The following TNRC6A variants were observed in gnomAD, a reference collection of about 807,000 sequenced individuals.
The protein encoded by TNRC6A is trinucleotide repeat containing adaptor 6A.
Under a neutral mutation model 221.2 loss-of-function variants are expected in TNRC6A, and 44 were observed. That is an observed-to-expected ratio of 0.20 (90% CI 0.16 to 0.26). TNRC6A has a LOEUF of 0.26. Ranked by LOEUF, TNRC6A falls within the 10% of genes least tolerant of loss-of-function variation. The pLI is 1.00. For missense variants in TNRC6A, 2,199 were observed against 2,404.4 expected (o/e 0.91, Z 1.79); for synonymous variants, 847 against 838.5 (o/e 1.01, Z -0.18).
At position 24,729,682 on chromosome 16, in the gene TNRC6A, T is replaced by C. The variant is rs1170834781; in HGVS notation, c.-160T>C. ...GGTCTGGGGCCTGCGGCGGCGGCGGTGTCGGCGGCGGCGGCGGCGGCGGCG... is the reference window on the plus strand; with the variant it reads ...GGTCTGGGGCCTGCGGCGGCGGCGGCGTCGGCGGCGGCGGCGGCGGCGGCG... On this transcript the variant is annotated 5_prime_UTR_variant, in exon 1 of 25. Coordinates refer to ENST00000395799, the MANE Select transcript of TNRC6A (RefSeq NM_014494.4). The C allele has an allele frequency of 8.9e-5, 60 of 677,782 alleles. No individual in the cohort carries two copies. Among genetic ancestry groups the C allele is most frequent in the East Asian group, 6.8e-4 (18 of 26,382 alleles). The allele number at this position is 677,782 out of a possible 1,614,324, so 42.0% of individuals were successfully genotyped here.
Position 24,791,307 on chromosome 16 carries a change from G to A in TNRC6A, c.2665G>A (p.Glu889Lys), listed in dbSNP as rs530163481. The A allele has an allele frequency of 4.3e-6, 7 of 1,610,934 alleles. No homozygotes were observed. Among genetic ancestry groups the A allele is most frequent in the Admixed American group, 1.7e-5 (1 of 59,680 alleles). The change falls in exon 6 of 25, where the codon GAA (glutamate) becomes AAA (lysine). Residue 889 changes from glutamate to lysine, a missense_variant. Physicochemically the swap from Glu to Lys is moderately conservative, Grantham distance 56. Transcript: ENST00000395799. ...DSDRSVSGWN[E>K]LGKTSSFTWG... ...TGACAGGTCCGTTTCCGGTTGGAAC[G>A]AACTTGGTAAAACTAGTTCTTTCAC...
chr16:24,702,021 A>T (rs1032757739), intron 2 of TNRC6A, among the ~76,000 whole-genome samples: 1 of 151,194 alleles, frequency 6.6e-6, no homozygotes, highest in Non-Finnish European at 1.5e-5. Context: ...AACCCCACTG[A>T]TTGCCTCCTC....
At chr16:24,696,751 G>GAAAAAAAA (rs2055872388) in intron 2 of TNRC6A, among the ~76,000 whole-genome samples, 4 of 42,628 alleles carry the variant, frequency 9.4e-5, no homozygotes, top group Admixed American at 2.6e-4. Flanking sequence ...AAAAAGAAAG[G>GAAAAAAAA]AAAGGAAAGG....
intron 11 of TNRC6A, among the ~76,000 whole-genome samples, chr16:24,799,740 G>C (rs1033855450): frequency 1.3e-5 from 2 of 152,184 alleles, no homozygotes; most frequent in African/African-American, 4.8e-5. Flanking sequence ...TCCCTTCACT[G>C]CCTATTCTGT....
intron 2 of TNRC6A, among the ~76,000 whole-genome samples, chr16:24,696,728 C>CAAAAAA (rs1251210834): frequency 6.6e-5 from 3 of 45,146 alleles, no homozygotes; most frequent in African/African-American, 2.2e-4. Context: ...GACCCTGTCT[C>CAAAAAA]AAAAAAAAAA....
chr16:24,703,171 C>T (rs1172881212), intron 2 of TNRC6A, among the ~76,000 whole-genome samples: 1 of 151,960 alleles, frequency 6.6e-6, no homozygotes, highest in East Asian at 1.9e-4. Flanking sequence ...CCTAAAAAAC[C>T]CACATTCTTT....
chr16:24,798,448 T>C (rs781268884), intron 11 of TNRC6A, among the ~76,000 whole-genome samples: 6 of 152,182 alleles, frequency 3.9e-5, no homozygotes, highest in Non-Finnish European at 8.8e-5. Flanking sequence ...TCTTAAAATA[T>C]GGGATTAAAG....
intron 2 of TNRC6A, among the ~76,000 whole-genome samples, chr16:24,735,589 A>G (rs1334143545): frequency 6.6e-6 from 1 of 152,228 alleles, no homozygotes; most frequent in Non-Finnish European, 1.5e-5. Context: ...GGATAAATTA[A>G]TCACAATCTG....
chr16:24,822,091 G>C lies in TNRC6A; in HGVS notation c.5317G>C (p.Glu1773Gln). The change falls in exon 23 of 25, where the codon GAG becomes CAG. Residue 1773 changes from glutamate to glutamine, a missense_variant. By Grantham distance (29) the Glu-to-Gln change is conservative. Coordinates refer to ENST00000395799, the MANE Select transcript of TNRC6A (RefSeq NM_014494.4). Reference sequence around the variant, plus strand: ...TCCTTGTTTAGGTTCCAGCTGGGGTGAGAGCAGCTCAGGGAGAATAACAAA... The same window carrying C: ...TCCTTGTTTAGGTTCCAGCTGGGGTCAGAGCAGCTCAGGGAGAATAACAAA... ...ARYTPGSSWG[E>Q]SSSGRITNWL... is the part of the protein sequence containing the mutation. 1 of 1,614,162 alleles carries C rather than the reference G, an allele frequency of 6.2e-7. No homozygotes were observed. The highest frequency in any genetic ancestry group is 8.5e-7 in the Non-Finnish European group (1 of 1,180,010).
At chr16:24,700,160 T>C (rs550582368) in intron 2 of TNRC6A, among the ~76,000 whole-genome samples, 100 of 152,126 alleles carry the variant, frequency 6.6e-4, no homozygotes, top group Middle Eastern at 3.4e-3. Flanking sequence ...TTTGGGAAAC[T>C]GAGACGGGAG....
At chr16:24,705,419 A>G (rs1265466068) in intron 2 of TNRC6A, among the ~76,000 whole-genome samples, 1 of 151,862 alleles carries the variant, frequency 6.6e-6, no homozygotes, top group Non-Finnish European at 1.5e-5. Flanking sequence ...GCAGCCTCCA[A>G]CTCCCGGGTT....
At chr16:24,822,822 T>C in intron 23 of TNRC6A, 52 bp from the exon 24 acceptor site, 2 of 1,609,452 alleles carry the variant, frequency 1.2e-6, no homozygotes, top group South Asian at 2.2e-5. Flanking sequence ...AACAGCCTCC[T>C]GGAGGGCCCG....
Position 24,656,185 on chromosome 16 carries a change from G to A in TNRC6A, n.402+15176G>A, listed in dbSNP as rs370605748. ...AAGAAAAGAAAAGAAAAATGAGGCC[G>A]GGCGTGGTGGCTCAGGCCTGTAATC... On this transcript the variant is annotated intron_variant and non_coding_transcript_variant, in intron 2 of 2. Transcript: ENST00000566108. Among the ~76,000 whole-genome samples, 22 of 149,978 alleles carry A rather than the reference G, an allele frequency of 1.5e-4. No homozygotes were observed. The East Asian group carries it at 3.8e-3, about 26-fold the overall frequency.
At position 24,676,090 on chromosome 16, in the gene TNRC6A, C is replaced by T. The variant is rs75338549; in HGVS notation, n.402+35081C>T. Among the ~76,000 whole-genome samples, 1,312 of 151,890 alleles carry T rather than the reference C, an allele frequency of 8.6e-3. 28 individuals are homozygous for T. Among genetic ancestry groups the T allele is most frequent in the East Asian group, 0.074 (379 of 5,136 alleles). ...AATGGACATTTAATTCTGATAATGC[C>T]TCAGAATTCATATATGTGCCAATAA... On this transcript the variant is annotated intron_variant and non_coding_transcript_variant, in intron 2 of 2. Transcript: ENST00000566108.
intron 2 of TNRC6A, among the ~76,000 whole-genome samples, chr16:24,717,764 T>C (rs554561731): frequency 3.6e-4 from 48 of 133,856 alleles, no homozygotes; most frequent in Non-Finnish European, 7.1e-4. Flanking sequence ...TCATCTTTTT[T>C]TTTTTCTTTT....
chr16:24,805,108 C>G lies in TNRC6A; in HGVS notation c.4079C>G (p.Pro1360Arg). Residue 1360 changes from proline (P) to arginine (R), a missense_variant, in exon 14 of 25, where the codon CCT (proline) becomes CGT (arginine). Physicochemically the swap from Pro to Arg is moderately radical, Grantham distance 103 (BLOSUM62 -2). Transcript: ENST00000395799. ...PPAQPLSSSQ[P>R]NLRAQVPPPL... ...GCACAACCTCTTAGTTCATCTCAGC[C>G]TAATCTCCGTGCTCAAGTGCCTCCT... 1 of 1,614,200 alleles carries G rather than the reference C, an allele frequency of 6.2e-7. No individual in the cohort carries two copies. Among genetic ancestry groups the G allele is most frequent in the Non-Finnish European group, 8.5e-7 (1 of 1,180,042 alleles).
At chr16:24,786,228 GATA>G (rs1378402482) in intron 5 of TNRC6A, among the ~76,000 whole-genome samples, 1 of 152,168 alleles carries the variant, frequency 6.6e-6, no homozygotes, top group Non-Finnish European at 1.5e-5. Context: ...ATTTATCAAT[GATA>G]ATAATGGCCC....
At chr16:24,784,744 G>T (rs914963181) in intron 5 of TNRC6A, among the ~76,000 whole-genome samples, 3 of 152,108 alleles carry the variant, frequency 2.0e-5, no homozygotes, top group Admixed American at 6.5e-5. Context: ...TTAAAAATGG[G>T]ATTTTAGTTA....
chr16:24,637,391 G>T (rs1397492312), intron 1 of TNRC6A, among the ~76,000 whole-genome samples: 1 of 152,178 alleles, frequency 6.6e-6, no homozygotes, highest in Non-Finnish European at 1.5e-5. Context: ...CCACCCATGG[G>T]CATGCTGGAT....
Sources: allele counts gnomAD v4.1 joint callset (sites outside exome capture counted in the v4.1 genomes callset), GRCh38; gene constraint gnomAD v4.1.1; transcripts MANE v1.5; gene names NCBI Gene and HGNC (gene_info 2026-07-23, HGNC 2026-07-21).